The following KDM4C variants were observed in gnomAD, a reference collection of about 807,000 sequenced individuals.
KDM4C encodes lysine demethylase 4C.
Under a neutral mutation model 129.3 loss-of-function variants are expected in KDM4C, and 81 were observed. The observed-to-expected ratio is 0.63, with a 90% CI of 0.52 to 0.75. The LOEUF is 0.75. Ranked by LOEUF, KDM4C falls within the 30% of genes least tolerant of loss-of-function variation. The pLI, the probability that KDM4C is intolerant of heterozygous loss-of-function variation, is 0.00. For synonymous variants in KDM4C, 573 were observed against 456.1 expected, an observed-to-expected ratio of 1.26 and a Z score of -3.26; for missense variants, 1,457 against 1,304.0, an observed-to-expected ratio of 1.12 and a Z score of -1.81.
Position 7,111,027 on chromosome 9 carries a change from C to T in KDM4C, c.2610+7157C>T, listed in dbSNP as rs77755934. Among the ~76,000 whole-genome samples, 28 of 152,218 alleles carry T rather than the reference C, an allele frequency of 1.8e-4. No homozygotes were observed. In the East Asian group the frequency reaches 4.5e-3, roughly 24 times the overall value. On this transcript the variant is annotated intron_variant, in intron 18 of 21. Transcript: ENST00000381309. ...GACCATGAAGCATCCTGGAAGTAAACGTAACCTTTTTTCTTTAAACTTCTC... is the reference window on the plus strand; with the variant it reads ...GACCATGAAGCATCCTGGAAGTAAATGTAACCTTTTTTCTTTAAACTTCTC...
chr9:7,027,235 G>T (rs1825957298), intron 15 of KDM4C, among the ~76,000 whole-genome samples: 1 of 152,188 alleles, frequency 6.6e-6, no homozygotes, highest in Admixed American at 6.5e-5. Context: ...TCCTTGGGAA[G>T]GCTTTCCAGG....
At chr9:6,794,434 G>T (rs772828682) in intron 2 of KDM4C, among the ~76,000 whole-genome samples, 29 of 152,160 alleles carry the variant, frequency 1.9e-4, no homozygotes, top group Admixed American at 3.3e-4. Context: ...AAGGCATTTG[G>T]GATTTTAAGT....
At chr9:6,786,046 C>T (rs911043058) in intron 1 of KDM4C, among the ~76,000 whole-genome samples, 3 of 152,210 alleles carry the variant, frequency 2.0e-5, no homozygotes, top group Non-Finnish European at 4.4e-5. Flanking sequence ...CAGCAGTGCA[C>T]ATCAGTTCTG....
chr9:6,958,651 A>G (rs1207183547), intron 8 of KDM4C, among the ~76,000 whole-genome samples: 3 of 149,514 alleles, frequency 2.0e-5, no homozygotes, highest in Non-Finnish European at 4.4e-5. Context: ...TAGTTTGGCT[A>G]TAATGTTAAA....
At chr9:7,111,048 T>G (rs1056260106) in intron 18 of KDM4C, among the ~76,000 whole-genome samples, 1 of 152,168 alleles carries the variant, frequency 6.6e-6, no homozygotes, top group African/African-American at 2.4e-5. Context: ...TTCTTTAAAC[T>G]TCTCCATCCG....
In KDM4C at chr9:6,986,331, G is replaced by C. The variant is rs770404584; in HGVS notation, c.1355-13G>C. 8.2e-6 allele frequency: 13 copies of C among 1,585,448 alleles called. No individual in the cohort carries two copies. The highest frequency in any genetic ancestry group is 1.0e-5 in the Non-Finnish European group (12 of 1,158,992). On this transcript the variant is annotated splice_polypyrimidine_tract_variant and intron_variant, in intron 10 of 21. Coordinates refer to ENST00000381309, the MANE Select transcript of KDM4C (RefSeq NM_015061.6). ...GTGCATGATTTATTAACAGTCTTCT[G>C]TTTTATCCTCAGGAAACAGCTGCTT...
At chr9:6,863,245 G>C (rs1157465969) in intron 5 of KDM4C, among the ~76,000 whole-genome samples, 1 of 151,948 alleles carries the variant, frequency 6.6e-6, no homozygotes, top group African/African-American at 2.4e-5. Flanking sequence ...GTAGGTTGCT[G>C]TAGTTATTGT....
At chr9:7,043,535 C>CT (rs1417664634) in intron 15 of KDM4C, among the ~76,000 whole-genome samples, 1 of 151,966 alleles carries the variant, frequency 6.6e-6, no homozygotes, top group Non-Finnish European at 1.5e-5. Flanking sequence ...TTCTACTGGG[C>CT]TTTAATCATA....
At chr9:7,076,507 C>G in intron 17 of KDM4C, 3 of 1,548,130 alleles carry the variant, frequency 1.9e-6, no homozygotes, top group Admixed American at 2.0e-5. Context: ...GTGAAAACAT[C>G]AATTCATTAG....
At chr9:7,015,381 G>A (rs542517900) in intron 14 of KDM4C, among the ~76,000 whole-genome samples, 1 of 152,078 alleles carries the variant, frequency 6.6e-6, no homozygotes, top group African/African-American at 2.4e-5. Context: ...GGCGTGAACT[G>A]AATAGACAAA....
intron 15 of KDM4C, among the ~76,000 whole-genome samples, chr9:7,017,606 G>T (rs954166637): frequency 6.6e-6 from 1 of 152,046 alleles, no homozygotes; most frequent in Non-Finnish European, 1.5e-5. Flanking sequence ...CTTAAAAATT[G>T]TCTTTCAAGA....
chr9:7,039,118 A>T (rs1399765128), intron 15 of KDM4C, among the ~76,000 whole-genome samples: 1 of 151,818 alleles, frequency 6.6e-6, no homozygotes, highest in Non-Finnish European at 1.5e-5. Context: ...ATATTTTCCT[A>T]TATTTTCTTA....
intron 6 of KDM4C, among the ~76,000 whole-genome samples, chr9:6,882,089 A>G (rs1373903473): frequency 6.6e-6 from 1 of 152,252 alleles, no homozygotes; most frequent in Non-Finnish European, 1.5e-5. Context: ...AAAAGACATT[A>G]GGCCTGCATC....
intron 17 of KDM4C, among the ~76,000 whole-genome samples, chr9:7,061,864 G>T (rs945058312): frequency 6.6e-6 from 1 of 152,222 alleles, no homozygotes; most frequent in Non-Finnish European, 1.5e-5. Flanking sequence ...TTGTTCAGCG[G>T]CTTTCAGCCA....
chr9:6,880,377 G>A (rs970466475), intron 6 of KDM4C, among the ~76,000 whole-genome samples: 1 of 152,106 alleles, frequency 6.6e-6, no homozygotes, highest in African/African-American at 2.4e-5. Context: ...TGCATTCAAC[G>A]TCATTGTGCC....
At chr9:7,141,967 A>C (rs1841789340) in intron 19 of KDM4C, among the ~76,000 whole-genome samples, 1 of 152,026 alleles carries the variant, frequency 6.6e-6, no homozygotes. Context: ...ACTAACTTTC[A>C]CCCATTTGAT....
chr9:6,958,235 A>G (rs537897056), intron 8 of KDM4C, among the ~76,000 whole-genome samples: 56 of 152,292 alleles, frequency 3.7e-4, no homozygotes, highest in African/African-American at 1.2e-3. Flanking sequence ...TAATAATACA[A>G]TAGTATTTTT....
intron 6 of KDM4C, among the ~76,000 whole-genome samples, chr9:6,885,059 A>T (rs984419277): frequency 1.3e-5 from 2 of 152,248 alleles, no homozygotes; most frequent in African/African-American, 4.8e-5. Flanking sequence ...AATAGAGCTC[A>T]TTGAGTTTTG....
intron 1 of KDM4C, among the ~76,000 whole-genome samples, chr9:6,785,198 G>A (rs1825206790): frequency 6.6e-6 from 1 of 152,206 alleles, no homozygotes; most frequent in Admixed American, 6.5e-5. Flanking sequence ...GATTTAGGCA[G>A]GAATCTGCTT....
Sources: gnomAD v4.1 joint callset for allele counts (sites outside exome capture counted in the v4.1 genomes callset) on GRCh38, gnomAD v4.1.1 for gene constraint, MANE v1.5 for transcripts, NCBI Gene and HGNC (gene_info 2026-07-23, HGNC 2026-07-21) for gene names.